Variants in SLC35B3 observed in about 807,000 individuals in gnomAD.
SLC35B3 encodes solute carrier family 35 member B3.
Under a neutral mutation model 44.1 loss-of-function variants are expected in SLC35B3, and 35 were observed. That is an observed-to-expected ratio of 0.79 (90% CI 0.61 to 1.05). SLC35B3 has a LOEUF of 1.05. Ranked by LOEUF, SLC35B3 falls within the 50% of genes least tolerant of loss-of-function variation. The probability of loss-of-function intolerance (pLI) is 0.00; values close to 1 mark genes in which losing one functional copy is unlikely to be tolerated. For synonymous variants in SLC35B3, 146 were observed against 167.3 expected, an observed-to-expected ratio of 0.87 and a Z score of 0.98; for missense variants, 414 against 476.4, an observed-to-expected ratio of 0.87 and a Z score of 1.22.
In SLC35B3 at chr6:8,416,781, T is replaced by C. The variant is rs1197519081; in HGVS notation, c.985+103A>G. On this transcript the variant is annotated intron_variant, in intron 9 of 10. Transcript: ENST00000644923. ...AATAAATTGGTGAAATATGATAATT[T>C]TCTTTTTAATATAAAGGAGATGTTG... is the stretch of plus-strand genomic sequence containing the variant. The C allele has an allele frequency of 1.0e-5, 5 of 494,788 alleles. No homozygotes were observed. In the East Asian group the frequency reaches 1.6e-4, roughly 16 times the overall value. 30.6% of individuals were successfully genotyped at this position (494,788 alleles called of 1,614,324 possible).
At chr6:8,426,724 C>A (rs933935722) in intron 4 of SLC35B3, among the ~76,000 whole-genome samples, 1 of 152,078 alleles carries the variant, frequency 6.6e-6, no homozygotes, top group African/African-American at 2.4e-5. Flanking sequence ...TGAGATGTTG[C>A]TGAAATGAGA....
At chr6:8,414,843 T>A in intron 10 of SLC35B3, 65 bp downstream of exon 9, 2 of 846,720 alleles carry the variant, frequency 2.4e-6, no homozygotes, top group East Asian at 5.4e-5. Context: ...AAATTAAGAT[T>A]AAGAGGAAAT....
In SLC35B3 at chr6:8,414,945, G is replaced by A. The variant is rs780027674; in HGVS notation, c.1018C>T (p.Leu340Phe). ...GGTTTAGCAAAGAATATAAACGAAAGTACAATGGTCATTGCTTTTCTTCCT... is the reference window on the plus strand; with the variant it reads ...GGTTTAGCAAAGAATATAAACGAAAATACAATGGTCATTGCTTTTCTTCCT... The change falls in exon 10 of 11, where the codon CTT becomes TTT. Residue 340 changes from leucine (L) to phenylalanine (F), a missense_variant. By Grantham distance (22) the Leu-to-Phe change is conservative. Coordinates refer to ENST00000644923, the MANE Select transcript of SLC35B3 (RefSeq NM_001370476.2). The A allele has an allele frequency of 1.7e-5, 27 of 1,606,016 alleles. No homozygotes were observed. The highest frequency in any genetic ancestry group is 2.2e-5 in the South Asian group (2 of 90,014).
Position 8,417,420 on chromosome 6 carries a change from T to G in SLC35B3, c.855A>C (p.Ala285=), listed in dbSNP as rs1026892814. The G allele has an allele frequency of 3.1e-6, 5 of 1,596,964 alleles. No homozygotes were observed. Among genetic ancestry groups the G allele is most frequent in the Admixed American group, 1.8e-5 (1 of 56,458 alleles). The stretch of plus-strand genomic sequence containing the variant: ...TGTTTACCTTTGCACAAAATGTTAC[T>G]GCAGGGCCTAATCCACTAGTGCATG... Residue 285 remains alanine (A), a synonymous_variant, in exon 8 of 11, where the codon GCA becomes GCC. Transcript: ENST00000644923.
rs1443426194 is a variant in SLC35B3, at chr6:8,411,643, T to A, written c.*1906A>T. Among the ~76,000 whole-genome samples the A allele has an allele frequency of 6.6e-6, 1 of 152,084 alleles. No individual in the cohort carries two copies. The highest frequency in any genetic ancestry group is 1.5e-5 in the Non-Finnish European group (1 of 68,008). On this transcript the variant is annotated 3_prime_UTR_variant, in exon 11 of 11. Transcript: ENST00000644923. ...GGCTGTATTTCAGCAAATGGGCAAA[T>A]GAAAACCAGTCCGAATTCCTCATGC...
chr6:8,421,817 G>T (rs1167681120), intron 5 of SLC35B3, among the ~76,000 whole-genome samples: 1 of 152,144 alleles, frequency 6.6e-6, no homozygotes, highest in East Asian at 1.9e-4. Context: ...GAGAGTAGAA[G>T]AATGAAGGAA....
In SLC35B3 at chr6:8,413,470, T is replaced by A; in HGVS notation, c.*79A>T. ...ATAGCAATGCCTCCAGATCCTTTGGTTTTTATCAGTCCCTTTGGAAAGTTA... is the reference window on the plus strand; with the variant it reads ...ATAGCAATGCCTCCAGATCCTTTGGATTTTATCAGTCCCTTTGGAAAGTTA... On this transcript the variant is annotated 3_prime_UTR_variant, in exon 11 of 11. Coordinates refer to ENST00000644923, the MANE Select transcript of SLC35B3 (RefSeq NM_001370476.2). 7.5e-7 allele frequency: 1 copy of A among 1,337,166 alleles called. No homozygotes were observed. The highest frequency in any genetic ancestry group is 1.0e-6 in the Non-Finnish European group (1 of 980,916). The allele number at this position is 1,337,166 out of a possible 1,614,324, so 82.8% of individuals were successfully genotyped here.
At chr6:8,415,579 C>T (rs1762346760) in intron 9 of SLC35B3, among the ~76,000 whole-genome samples, 1 of 152,172 alleles carries the variant, frequency 6.6e-6, no homozygotes. Context: ...CGGTTGCCAT[C>T]TTCCCACTTG....
chr6:8,418,335 G>A lies in SLC35B3; in HGVS notation c.781-841C>T, dbSNP rs137900505. On this transcript the variant is annotated intron_variant, in intron 7 of 10. Transcript: ENST00000644923. ...TATGATGAAGAAAATTCTTAACCAA[G>A]TTCCTGTGTTATTAGAGACTACCTA... 1.2e-4 allele frequency among the ~76,000 whole-genome samples: 19 copies of A among 152,136 alleles called. No individual in the cohort carries two copies. The East Asian group carries it at 3.7e-3, about 29-fold the overall frequency.
intron 3 of SLC35B3, among the ~76,000 whole-genome samples, chr6:8,428,479 C>T (rs1318379903): frequency 3.3e-5 from 5 of 152,024 alleles, no homozygotes; most frequent in Admixed American, 3.3e-4. Flanking sequence ...CACTTCATTA[C>T]CAAACCCCAA....
Position 8,412,028 on chromosome 6 carries a change from T to C in SLC35B3, c.*1521A>G, listed in dbSNP as rs917268805. 3.3e-5 allele frequency among the ~76,000 whole-genome samples: 5 copies of C among 152,230 alleles called. No homozygotes were observed. The East Asian group carries it at 9.7e-4, about 29-fold the overall frequency. On this transcript the variant is annotated 3_prime_UTR_variant, in exon 11 of 11. Coordinates refer to ENST00000644923, the MANE Select transcript of SLC35B3 (RefSeq NM_001370476.2). ...GTTGAAATCCTAACTCCCAAAGTGATTGTATTAAGTGGTGGGGCCTTTTGG... is the reference window on the plus strand; with the variant it reads ...GTTGAAATCCTAACTCCCAAAGTGACTGTATTAAGTGGTGGGGCCTTTTGG...
intron 10 of SLC35B3, among the ~76,000 whole-genome samples, chr6:8,414,402 A>C (rs955694519): frequency 2.6e-5 from 4 of 152,200 alleles, no homozygotes; most frequent in African/African-American, 4.8e-5. Flanking sequence ...CACACACACA[A>C]AAAATAAAAG....
chr6:8,422,285 G>A lies in SLC35B3; in HGVS notation c.574+185C>T, dbSNP rs528716865. 2.0e-5 allele frequency among the ~76,000 whole-genome samples: 3 copies of A among 152,296 alleles called. No individual in the cohort carries two copies. In the South Asian group the frequency reaches 6.2e-4, roughly 32 times the overall value. On this transcript the variant is annotated intron_variant, in intron 5 of 10. Transcript: ENST00000644923. ...CCCACAGTGCTGGGATTACAGGCGT[G>A]AGCCACTGTGCCTGGCCATCAGTGT...
At chr6:8,422,698 G>A in intron 4 of SLC35B3, 74 bp from the exon 4 acceptor site, 2 of 1,130,848 alleles carry the variant, frequency 1.8e-6, no homozygotes, top group Non-Finnish European at 2.5e-6. Flanking sequence ...TGTTCACATT[G>A]TGTAAATGTC....
In SLC35B3 at chr6:8,427,975, G is replaced by A. The variant is rs745688572; in HGVS notation, c.381C>T (p.Gly127=). ...CCTGAATAAGCTGAAGTTCTATTAGGCCAAATATGGAGTAAAAGGCAAACT... is the reference window on the plus strand; with the variant it reads ...CCTGAATAAGCTGAAGTTCTATTAGACCAAATATGGAGTAAAAGGCAAACT... Residue 127 remains glycine, a synonymous_variant, in exon 4 of 11, where the codon GGC becomes GGT. Coordinates refer to ENST00000644923, the MANE Select transcript of SLC35B3 (RefSeq NM_001370476.2). 3.1e-6 allele frequency: 5 copies of A among 1,612,284 alleles called. No individual in the cohort carries two copies. In the African/African-American group the frequency reaches 6.7e-5, roughly 22 times the overall value.
chr6:8,422,754 A>G, intron 4 of SLC35B3, 130 bp from the exon 4 acceptor site: 1 of 691,306 alleles, frequency 1.4e-6, no homozygotes, highest in Middle Eastern at 3.5e-4. Flanking sequence ...AAATATCAGT[A>G]AAAAATATCA....
At position 8,413,352 on chromosome 6, in the gene SLC35B3, C is replaced by G. The variant is rs915548359; in HGVS notation, c.*197G>C. 6.2e-6 allele frequency: 3 copies of G among 484,130 alleles called. No homozygotes were observed. Among genetic ancestry groups the G allele is most frequent in the Admixed American group, 8.1e-5 (2 of 24,716 alleles). 30.0% of individuals were successfully genotyped at this position (484,130 alleles called of 1,614,324 possible). A position where few individuals can be genotyped will look rare whatever the true frequency, so the allele number is the denominator to read the frequency against. ...ATTGTAAAGTCTGCTAGACGTGGCT[C>G]TCTTGATTGCTTTGGAAGTCAGTCA... On this transcript the variant is annotated 3_prime_UTR_variant, in exon 11 of 11. Coordinates refer to ENST00000644923, the MANE Select transcript of SLC35B3 (RefSeq NM_001370476.2).
At chr6:8,424,732 T>C (rs1183976466) in intron 4 of SLC35B3, among the ~76,000 whole-genome samples, 2 of 152,214 alleles carry the variant, frequency 1.3e-5, no homozygotes, top group African/African-American at 4.8e-5. Context: ...CATTACCACA[T>C]ATGAGCCTCA....
intron 4 of SLC35B3, among the ~76,000 whole-genome samples, chr6:8,423,559 T>A (rs1214276261): frequency 6.6e-6 from 1 of 152,180 alleles, no homozygotes; most frequent in Non-Finnish European, 1.5e-5. Flanking sequence ...AAACTAATAA[T>A]CTTGTCTACT....
Sources: gnomAD v4.1 joint callset for allele counts (sites outside exome capture counted in the v4.1 genomes callset) on GRCh38, gnomAD v4.1.1 for gene constraint, MANE v1.5 for transcripts, NCBI Gene and HGNC (gene_info 2026-07-23, HGNC 2026-07-21) for gene names.